The following PRKCH variants were observed in gnomAD, a reference collection of about 807,000 sequenced individuals.
PRKCH encodes the protein protein kinase C eta, also known as protein kinase C eta type.
A neutral mutation model predicts 82.5 loss-of-function variants in PRKCH; 28 were observed. The observed-to-expected ratio is 0.34, with a 90% CI of 0.25 to 0.47. The LOEUF is 0.47. PRKCH is among the 20% of genes least tolerant of loss of function. The probability of loss-of-function intolerance (pLI) is 1.00; values close to 1 mark genes in which losing one functional copy is unlikely to be tolerated. For synonymous variants in PRKCH, 322 were observed against 327.4 expected (o/e 0.98, Z 0.18); for missense variants, 705 against 881.8 (o/e 0.80, Z 2.54).
exon 1 of PRKCH, chr14:61,187,642 C>G (rs755066177): frequency 1.3e-5 from 2 of 152,656 alleles, no homozygotes; most frequent in African/African-American, 4.8e-5. Context: ...CTGCTTCTGC[C>G]TGGTCCAGGA....
At chr14:61,456,076 A>G (rs1371276696) in intron 7 of PRKCH, among the ~76,000 whole-genome samples, 1 of 152,220 alleles carries the variant, frequency 6.6e-6, no homozygotes, top group Non-Finnish European at 1.5e-5. Flanking sequence ...AATAATGATA[A>G]TGACAATACA....
At chr14:61,493,322 T>C (rs569490856) in intron 10 of PRKCH, among the ~76,000 whole-genome samples, 1 of 152,304 alleles carries the variant, frequency 6.6e-6, no homozygotes, top group East Asian at 1.9e-4. Flanking sequence ...CACGTCCTTG[T>C]CTAAATGGTT....
intron 1 of PRKCH, among the ~76,000 whole-genome samples, chr14:61,256,627 T>G (rs1263880090): frequency 1.3e-5 from 2 of 152,238 alleles, no homozygotes; most frequent in African/African-American, 4.8e-5. Context: ...TTTCTTTGTT[T>G]TATTGAGATG....
rs111922157 is a variant in PRKCH, at chr14:61,445,599, A to G, written c.579-93A>G. 2.0e-4 allele frequency: 221 copies of G among 1,108,018 alleles called. No homozygotes were observed. In the African/African-American group the frequency reaches 2.6e-3, roughly 13 times the overall value. The allele number at this position is 1,108,018 out of a possible 1,614,324, so 68.6% of individuals were successfully genotyped here. ...CTTCCCTGAAATTGTGTTTTTCATA[A>G]AGGAGGAGAGGATGAAATTTGTTTT... On this transcript the variant is annotated intron_variant, in intron 3 of 13. Transcript: ENST00000332981.
At chr14:61,315,357 T>C (rs553651226) in intron 1 of PRKCH, among the ~76,000 whole-genome samples, 1 of 152,312 alleles carries the variant, frequency 6.6e-6, no homozygotes, top group African/African-American at 2.4e-5. Flanking sequence ...AGCTCTACCA[T>C]GTATTAGCTA....
chr14:61,221,236 C>G (rs917795912), intron 1 of PRKCH, among the ~76,000 whole-genome samples: 1 of 152,100 alleles, frequency 6.6e-6, no homozygotes, highest in African/African-American at 2.4e-5. Flanking sequence ...GCTGCCAGAT[C>G]CCTGATGAGC....
intron 3 of PRKCH, among the ~76,000 whole-genome samples, chr14:61,445,079 T>G (rs1047166513): frequency 2.6e-5 from 4 of 152,232 alleles, no homozygotes; most frequent in African/African-American, 7.2e-5. Context: ...ATGGGCTTAG[T>G]TACTGTGGTC....
At chr14:61,530,849 G>A (rs1444025465) in intron 12 of PRKCH, among the ~76,000 whole-genome samples, 3 of 152,222 alleles carry the variant, frequency 2.0e-5, no homozygotes, top group African/African-American at 7.2e-5. Flanking sequence ...TTGCCAAATA[G>A]CAAGTATTTC....
At chr14:61,446,939 A>G (rs1253261872) in intron 4 of PRKCH, among the ~76,000 whole-genome samples, 1 of 152,178 alleles carries the variant, frequency 6.6e-6, no homozygotes, top group Admixed American at 6.5e-5. Context: ...TGGATATTTG[A>G]TGGCCTGATT....
At chr14:61,434,149 A>G (rs1274776999) in intron 2 of PRKCH, among the ~76,000 whole-genome samples, 1 of 152,248 alleles carries the variant, frequency 6.6e-6, no homozygotes, top group African/African-American at 2.4e-5. Flanking sequence ...AATTTAGTAA[A>G]GAAGAATCAG....
chr14:61,391,247 A>G lies in PRKCH; in HGVS notation c.386A>G (p.Lys129Arg). ...TAGGTGGATCTCGAGCCAGAGGGGA[A>G]AGTATTTGTGGTAATAACCCTTACC... Reference protein sequence around the residue: ...EGWVDLEPEGKVFVVITLTGS... With the variant: ...EGWVDLEPEGRVFVVITLTGS... The change falls in exon 2 of 14, where the codon AAA becomes AGA. Residue 129 changes from lysine to arginine, a missense_variant. Around this residue, in one of 5 missense-constraint regions of PRKCH, gnomAD observed 246 missense variants for 308.0 expected, o/e 0.80. Coordinates refer to ENST00000332981, the MANE Select transcript of PRKCH (RefSeq NM_006255.5). The G allele has an allele frequency of 6.2e-7, 1 of 1,611,372 alleles. No homozygotes were observed. The highest frequency in any genetic ancestry group is 8.5e-7 in the Non-Finnish European group (1 of 1,178,854).
intron 1 of PRKCH, chr14:61,344,289 A>G (rs1290166366): frequency 6.6e-6 from 1 of 152,192 alleles, no homozygotes; most frequent in African/African-American, 2.4e-5. Flanking sequence ...GTGAGGAGTT[A>G]AGTTAGACAG....
intron 2 of PRKCH, among the ~76,000 whole-genome samples, chr14:61,424,223 A>G (rs1221114780): frequency 6.6e-6 from 1 of 152,226 alleles, no homozygotes; most frequent in African/African-American, 2.4e-5. Flanking sequence ...GGACTAATAT[A>G]GTAAATTGGT....
At chr14:61,231,297 C>A (rs7156285) in intron 1 of PRKCH, among the ~76,000 whole-genome samples, 1 of 151,804 alleles carries the variant, frequency 6.6e-6, no homozygotes. Flanking sequence ...CAATTCAATA[C>A]ACAAAGTGCT....
At chr14:61,547,571 T>G (rs2184633) in intron 12 of PRKCH, among the ~76,000 whole-genome samples, 172 bp from the exon 13 acceptor site, 5 of 152,234 alleles carry the variant, frequency 3.3e-5, no homozygotes, top group Admixed American at 1.3e-4. Flanking sequence ...AATCGCGCCT[T>G]TAAGGCATGA....
intron 7 of PRKCH, among the ~76,000 whole-genome samples, chr14:61,455,495 G>A (rs1032044021): frequency 4.6e-5 from 7 of 152,170 alleles, no homozygotes; most frequent in Admixed American, 3.3e-4. Context: ...GTAAAAAAAT[G>A]TATTTGAAAT....
At chr14:61,478,506 A>T (rs1315446846) in intron 9 of PRKCH, among the ~76,000 whole-genome samples, 1 of 152,156 alleles carries the variant, frequency 6.6e-6, no homozygotes, top group Non-Finnish European at 1.5e-5. Context: ...TAATCTTTAC[A>T]TGATCACTGT....
rs879385210 is a variant in PRKCH at position 61,280,929 on chromosome 14, G to T, written c.-19+93261G>T. ...CCGCGGCGCACACCGAGCAGTTACCGGTGCCCGGGTCGCCTGTATAGTCGT... is the reference window on the plus strand; with the variant it reads ...CCGCGGCGCACACCGAGCAGTTACCTGTGCCCGGGTCGCCTGTATAGTCGT... On this transcript the variant is annotated intron_variant, in intron 1 of 3. Coordinates refer to the PRKCH transcript ENST00000555185. This position sits in a 1 kb window ranked among gnomAD's most constrained non-coding sequence, Gnocchi z 5.0. The T allele has an allele frequency of 6.5e-7, 1 of 1,538,542 alleles. No individual in the cohort carries two copies. The highest frequency in any genetic ancestry group is 2.0e-5 in the Admixed American group (1 of 49,528).
Position 61,261,696 on chromosome 14 carries a change from C to T in PRKCH, c.-19+74028C>T, listed in dbSNP as rs201628808. On this transcript the variant is annotated intron_variant, in intron 1 of 3. Coordinates refer to the PRKCH transcript ENST00000555185. ...TTTTTTTTAATTTATTTTTCTTGGC[C>T]TAGGAATCCTTTTAGAGTTGGTAAA... 1.2e-4 allele frequency among the ~76,000 whole-genome samples: 18 copies of T among 151,798 alleles called. No homozygotes were observed. In the East Asian group the frequency reaches 3.3e-3, roughly 28 times the overall value.
Sources: gnomAD v4.1 joint callset for allele counts (sites outside exome capture counted in the v4.1 genomes callset) on GRCh38, gnomAD v4.1.1 for gene constraint, gnomAD v4.1.1 regional missense constraint, Gnocchi (gnomAD v3.1) non-coding constraint, MANE v1.5 for transcripts, NCBI Gene and HGNC (gene_info 2026-07-23, HGNC 2026-07-21) for gene names.